Variants in NOS1AP observed in about 807,000 individuals in gnomAD.
The protein encoded by NOS1AP is nitric oxide synthase 1 adaptor protein, also known as carboxyl-terminal PDZ ligand of neuronal nitric oxide synthase protein.
NOS1AP carries 21 observed loss-of-function variants against 56.2 expected under a neutral mutation model. The ratio of observed to expected loss-of-function variants is 0.37; its 90% CI spans 0.26 to 0.54. The LOEUF (loss-of-function observed/expected upper bound fraction) is 0.54. Ranked by LOEUF, NOS1AP falls within the 20% of genes least tolerant of loss-of-function variation. NOS1AP has a pLI of 0.84. For synonymous variants in NOS1AP, 270 were observed against 274.6 expected (o/e 0.98, Z 0.17); for missense variants, 522 against 657.8 (o/e 0.79, Z 2.26).
At chr1:162,230,183 C>T (rs916147959) in intron 2 of NOS1AP, among the ~76,000 whole-genome samples, 3 of 152,130 alleles carry the variant, frequency 2.0e-5, no homozygotes, top group Admixed American at 6.5e-5. Flanking sequence ...TGGAGCACCA[C>T]AGGACAGGGC....
intron 1 of NOS1AP, among the ~76,000 whole-genome samples, chr1:162,116,113 A>G (rs1647937958): frequency 6.6e-6 from 1 of 152,158 alleles, no homozygotes; most frequent in African/African-American, 2.4e-5. Context: ...ATCTAGGTTT[A>G]GCCTTTGTGA....
intron 4 of NOS1AP, among the ~76,000 whole-genome samples, chr1:162,305,085 T>G (rs1214410999): frequency 6.6e-6 from 1 of 152,200 alleles, no homozygotes; most frequent in Non-Finnish European, 1.5e-5. Flanking sequence ...ATCTTTTGCA[T>G]TATTCACATA....
At chr1:162,295,002 G>A (rs1016962236) in intron 3 of NOS1AP, among the ~76,000 whole-genome samples, 7 of 152,116 alleles carry the variant, frequency 4.6e-5, no homozygotes, top group African/African-American at 7.2e-5. Flanking sequence ...CTGCTCCAGC[G>A]GGAGCCCTGC....
chr1:162,192,737 A>G (rs866211762), intron 2 of NOS1AP, among the ~76,000 whole-genome samples: 2 of 152,204 alleles, frequency 1.3e-5, no homozygotes, highest in Non-Finnish European at 2.9e-5. Flanking sequence ...ATCTACCTGT[A>G]GTCAGGTTTA....
intron 2 of NOS1AP, among the ~76,000 whole-genome samples, chr1:162,243,650 C>T (rs986491725): frequency 1.2e-4 from 18 of 152,310 alleles, no homozygotes; most frequent in Admixed American, 9.2e-4. Flanking sequence ...GAAATATCTA[C>T]AGGCAGCTCT....
intron 2 of NOS1AP, among the ~76,000 whole-genome samples, chr1:162,252,994 G>A (rs752921798): frequency 6.6e-6 from 1 of 152,048 alleles, no homozygotes; most frequent in Non-Finnish European, 1.5e-5. Flanking sequence ...TGCCTAATTG[G>A]TCTCTGCTAT....
chr1:162,276,545 A>G (rs868054134), intron 2 of NOS1AP, among the ~76,000 whole-genome samples: 4 of 151,036 alleles, frequency 2.6e-5, no homozygotes, highest in African/African-American at 9.7e-5. Flanking sequence ...AAAAAAGCCC[A>G]ATGTCCAGGC....
At chr1:162,305,419 G>C (rs2101759823) in intron 4 of NOS1AP, among the ~76,000 whole-genome samples, 1 of 150,718 alleles carries the variant, frequency 6.6e-6, no homozygotes, top group East Asian at 1.9e-4. Context: ...CTTTATTACA[G>C]TATACCTCTT....
intron 1 of NOS1AP, among the ~76,000 whole-genome samples, chr1:162,145,032 G>A (rs538094286): frequency 6.6e-6 from 1 of 152,312 alleles, no homozygotes; most frequent in African/African-American, 2.4e-5. Context: ...GAGCAGGAAG[G>A]ATTCTGCTGT....
rs1010065725 is a variant in NOS1AP, at chr1:162,188,515, T to C, written c.177+34039T>C. Among the ~76,000 whole-genome samples the C allele has an allele frequency of 6.6e-5, 10 of 152,190 alleles. No homozygotes were observed. Among genetic ancestry groups the C allele is most frequent in the Non-Finnish European group, 1.5e-4 (10 of 68,026 alleles). ...ACTCTTGTTTGTGGGCTCTGATATA[T>C]GCCACACAGCCTACAACTCGACTCT... On this transcript the variant is annotated intron_variant, in intron 2 of 9. Transcript: ENST00000361897. The surrounding 1 kb of genome is among the most constrained non-coding windows in gnomAD (Gnocchi z 4.0).
In NOS1AP at chr1:162,254,470, AGAT is replaced by A. The variant is rs1255517668; in HGVS notation, c.178-32866_178-32864del. 4.6e-5 allele frequency among the ~76,000 whole-genome samples: 7 copies of A among 152,308 alleles called. No homozygotes were observed. The East Asian group carries it at 1.4e-3, about 29-fold the overall frequency. ...TAAAGGGCAAAGCCATGGGCCTGCT[AGAT>A]GATGATGGAGCACGAGAGACATGGA... is the stretch of plus-strand genomic sequence containing the variant. On this transcript the variant is annotated intron_variant, in intron 2 of 9. Coordinates refer to ENST00000361897, the MANE Select transcript of NOS1AP (RefSeq NM_014697.3).
At chr1:162,267,180 A>C (rs1254322474) in intron 2 of NOS1AP, among the ~76,000 whole-genome samples, 2 of 152,204 alleles carry the variant, frequency 1.3e-5, no homozygotes, top group Non-Finnish European at 2.9e-5. Context: ...TAGCAGATAG[A>C]TCAAAGAGCT....
At position 162,114,162 on chromosome 1, in the gene NOS1AP, A is replaced by G. The variant is rs553532508; in HGVS notation, c.106-40243A>G. ...CTTTCACTCTAAAACCCCAGTGTAG[A>G]AAGAGGCCATATTATTTTCCAGCAG... is the stretch of plus-strand genomic sequence containing the variant. On this transcript the variant is annotated intron_variant, in intron 1 of 9. Transcript: ENST00000361897. 3.9e-5 allele frequency among the ~76,000 whole-genome samples: 6 copies of G among 152,328 alleles called. No homozygotes were observed. The East Asian group carries it at 1.2e-3, about 29-fold the overall frequency.
chr1:162,245,390 G>A (rs1653629887), intron 2 of NOS1AP, among the ~76,000 whole-genome samples: 1 of 152,220 alleles, frequency 6.6e-6, no homozygotes, highest in African/African-American at 2.4e-5. Context: ...AAATGTTGAT[G>A]AAGATGTCAG....
At chr1:162,076,552 G>C (rs1354130168) in intron 1 of NOS1AP, among the ~76,000 whole-genome samples, 1 of 152,092 alleles carries the variant, frequency 6.6e-6, no homozygotes, top group African/African-American at 2.4e-5. Context: ...GTCAATTTTA[G>C]AACATTTTCA....
chr1:162,259,453 T>C (rs1654139233), intron 2 of NOS1AP, among the ~76,000 whole-genome samples: 1 of 152,252 alleles, frequency 6.6e-6, no homozygotes, highest in Non-Finnish European at 1.5e-5. Context: ...TGAAAATGTT[T>C]TGTTCAAATT....
chr1:162,324,710 C>T (rs1438328630), intron 4 of NOS1AP, among the ~76,000 whole-genome samples: 1 of 152,094 alleles, frequency 6.6e-6, no homozygotes, highest in Non-Finnish European at 1.5e-5. Flanking sequence ...GTTGCTTATT[C>T]GTTACTCTAG....
At chr1:162,221,035 G>A (rs752699880) in intron 2 of NOS1AP, among the ~76,000 whole-genome samples, 2 of 151,004 alleles carry the variant, frequency 1.3e-5, no homozygotes, top group Non-Finnish European at 2.9e-5. Context: ...TCCACCTCTC[G>A]GGTTCAAGTG....
intron 1 of NOS1AP, among the ~76,000 whole-genome samples, chr1:162,154,152 A>G (rs1023838117): frequency 1.3e-5 from 2 of 152,156 alleles, no homozygotes; most frequent in African/African-American, 4.8e-5. Flanking sequence ...TCTGGCTTGA[A>G]AGGCTGCTTG....
Sources: gnomAD v4.1 joint callset for allele counts (sites outside exome capture counted in the v4.1 genomes callset) on GRCh38, gnomAD v4.1.1 for gene constraint, Gnocchi (gnomAD v3.1) non-coding constraint, MANE v1.5 for transcripts, NCBI Gene and HGNC (gene_info 2026-07-23, HGNC 2026-07-21) for gene names.